SLIT3: variants seen among roughly 807,000 people sequenced by gnomAD.
SLIT3 encodes slit guidance ligand 3, also known as slit homolog 3 protein.
SLIT3 carries 68 observed loss-of-function variants against 184.0 expected under a neutral mutation model. The observed-to-expected ratio is 0.37, with a 90% CI of 0.30 to 0.45. The LOEUF (loss-of-function observed/expected upper bound fraction) is 0.45. SLIT3 is among the 20% of genes least tolerant of loss of function. SLIT3 has a pLI of 1.00. For missense variants in SLIT3, 1,707 were observed against 2,026.0 expected, an observed-to-expected ratio of 0.84 and a Z score of 3.02; for synonymous variants, 831 against 828.6, an observed-to-expected ratio of 1.00 and a Z score of -0.05.
At chr5:169,191,806 A>T (rs1279894329) in intron 4 of SLIT3, among the ~76,000 whole-genome samples, 1 of 152,096 alleles carries the variant, frequency 6.6e-6, no homozygotes, top group Non-Finnish European at 1.5e-5. Flanking sequence ...CCATCACCTG[A>T]TAGCCATGGG....
At position 168,822,249 on chromosome 5, in the gene SLIT3, T is replaced by C. The variant is rs149776381; in HGVS notation, c.629+1011A>G. Among the ~76,000 whole-genome samples, 24 of 152,286 alleles carry C rather than the reference T, an allele frequency of 1.6e-4. No individual in the cohort carries two copies. In the East Asian group the frequency reaches 4.6e-3, roughly 29 times the overall value. ...GTCCAGATTTCTGATCGTGTGATAA[T>C]AATGTAACAATCAATATCATTTATT... On this transcript the variant is annotated intron_variant, in intron 7 of 35. Transcript: ENST00000519560.
At chr5:168,712,480 T>G in intron 23 of SLIT3, 126 bp from the exon 24 acceptor site, 1 of 763,172 alleles carries the variant, frequency 1.3e-6, no homozygotes, top group South Asian at 1.5e-5. Context: ...CTCCTAGCAG[T>G]AGCTGCTGCC....
intron 4 of SLIT3, among the ~76,000 whole-genome samples, chr5:168,973,349 G>C (rs1194233555): frequency 6.6e-6 from 1 of 152,170 alleles, no homozygotes; most frequent in Non-Finnish European, 1.5e-5. Flanking sequence ...CCGGGTTCAA[G>C]CGATTCTCCT....
chr5:168,738,937 CAAA>C (rs34133933), intron 20 of SLIT3, among the ~76,000 whole-genome samples: 2 of 84,290 alleles, frequency 2.4e-5, no homozygotes, highest in African/African-American at 5.0e-5. Context: ...GACTCCATCT[CAAA>C]AAAAAAAAAA....
At chr5:168,793,486 C>A (rs1273465439) in intron 10 of SLIT3, among the ~76,000 whole-genome samples, 2 of 152,112 alleles carry the variant, frequency 1.3e-5, no homozygotes, top group African/African-American at 2.4e-5. Context: ...TCTCTATTGC[C>A]ATCCTCTTGG....
chr5:169,180,158 T>G (rs751404021), intron 4 of SLIT3, among the ~76,000 whole-genome samples: 11 of 152,112 alleles, frequency 7.2e-5, no homozygotes, highest in Non-Finnish European at 1.5e-4. Flanking sequence ...GAGCCAGGAC[T>G]TGAATTTCAG....
At chr5:169,174,533 A>T (rs1343503106) in intron 4 of SLIT3, among the ~76,000 whole-genome samples, 1 of 152,168 alleles carries the variant, frequency 6.6e-6, no homozygotes, top group Admixed American at 6.5e-5. Flanking sequence ...CAAGTTCTTT[A>T]AACTCTTTCC....
In SLIT3 at chr5:169,137,300, CTACA is replaced by C. The variant is rs138154528; in HGVS notation, c.413+56175_413+56178del. On this transcript the variant is annotated intron_variant, in intron 4 of 35. Transcript: ENST00000519560. ...TAATCTCCCCCTCTTCTCTTTCTATCTACATACACACACACACACACACACACAC... is the reference window on the plus strand; with the variant it reads ...TAATCTCCCCCTCTTCTCTTTCTATCTACACACACACACACACACACACAC... Among the ~76,000 whole-genome samples, 30 of 118,496 alleles carry C rather than the reference CTACA, an allele frequency of 2.5e-4. 1 individual carries two copies. The highest frequency in any genetic ancestry group is 5.8e-4 in the Admixed American group (7 of 12,076). The allele number at this position is 118,496 out of a possible 152,430, so 77.7% of individuals were successfully genotyped here.
In SLIT3 at chr5:169,234,613, G is replaced by T. The variant is rs76527409; in HGVS notation, c.341+10092C>A. Among the ~76,000 whole-genome samples the T allele has an allele frequency of 2.0e-5, 3 of 151,996 alleles. No individual in the cohort carries two copies. In the East Asian group the frequency reaches 5.8e-4, roughly 29 times the overall value. On this transcript the variant is annotated intron_variant, in intron 3 of 35. Transcript: ENST00000519560. ...GTAGAGACGAGGTTTCATCGAGGTT[G>T]GCCAGGCTGGTCTGGAACTCTTGAC...
chr5:168,691,508 T>G (rs1761904696), intron 29 of SLIT3, among the ~76,000 whole-genome samples: 1 of 152,226 alleles, frequency 6.6e-6, no homozygotes, highest in African/African-American at 2.4e-5. Flanking sequence ...AGCATGAGCT[T>G]CTGGCCCCAG....
At chr5:169,040,167 A>C (rs1757400659) in intron 4 of SLIT3, among the ~76,000 whole-genome samples, 1 of 152,200 alleles carries the variant, frequency 6.6e-6, no homozygotes, top group Non-Finnish European at 1.5e-5. Context: ...TTTGGGACAG[A>C]GTATATCAAG....
At chr5:169,017,647 C>T (rs376526636) in intron 4 of SLIT3, among the ~76,000 whole-genome samples, 33 of 152,316 alleles carry the variant, frequency 2.2e-4, no homozygotes, top group African/African-American at 7.9e-4. Flanking sequence ...TGGGCTAAAT[C>T]TCCTGCAGCA....
intron 4 of SLIT3, among the ~76,000 whole-genome samples, chr5:169,069,362 G>A (rs1758461631): frequency 6.6e-6 from 1 of 152,214 alleles, no homozygotes; most frequent in East Asian, 1.9e-4. Context: ...CTGCCTTGGA[G>A]GGCCCTAGAA....
intron 4 of SLIT3, among the ~76,000 whole-genome samples, chr5:169,054,710 G>A (rs1256720673): frequency 1.3e-5 from 2 of 152,176 alleles, no homozygotes; most frequent in African/African-American, 2.4e-5. Context: ...TTTACCCCAG[G>A]CATGCGGAAC....
At position 169,032,451 on chromosome 5, in the gene SLIT3, AAT is replaced by A. The variant is rs1757061201; in HGVS notation, c.414-149117_414-149116del. ...AATCACATTTGCTCAGAATTATAAA[AAT>A]AGTCATATTTAGTTCATACCATGTC... is the stretch of plus-strand genomic sequence containing the variant. On this transcript the variant is annotated intron_variant, in intron 4 of 35. Coordinates refer to ENST00000519560, the MANE Select transcript of SLIT3 (RefSeq NM_003062.4). Among the ~76,000 whole-genome samples the A allele has an allele frequency of 2.0e-5, 3 of 152,180 alleles. No homozygotes were observed. In the South Asian group the frequency reaches 6.2e-4, roughly 31 times the overall value.
In SLIT3 at chr5:168,959,298, C is replaced by G. The variant is rs563287950; in HGVS notation, c.414-75962G>C. 2.6e-5 allele frequency among the ~76,000 whole-genome samples: 4 copies of G among 152,304 alleles called. No individual in the cohort carries two copies. The South Asian group carries it at 8.3e-4, about 32-fold the overall frequency. ...CTGTAAGTGAGGGGGTATGCCTGTG[C>G]TATAGAGAACTTAAAGTCTCTTCCA... On this transcript the variant is annotated intron_variant, in intron 4 of 35. Transcript: ENST00000519560.
intron 4 of SLIT3, among the ~76,000 whole-genome samples, chr5:169,142,113 A>AAAT (rs1761769583): frequency 7.2e-6 from 1 of 139,790 alleles, no homozygotes; most frequent in Non-Finnish European, 1.6e-5. Context: ...ATAAATAAAT[A>AAAT]AATAAATAAA....
chr5:168,783,890 C>A (rs1756061234), intron 12 of SLIT3, among the ~76,000 whole-genome samples: 1 of 152,200 alleles, frequency 6.6e-6, no homozygotes, highest in Admixed American at 6.5e-5. Context: ...TTACCCCAAG[C>A]TACTCGATTC....
At position 168,662,493 on chromosome 5, in the gene SLIT3, T is replaced by G. The variant is rs1185295964; in HGVS notation, c.*3961A>C. 1 of 152,210 alleles carries G rather than the reference T, an allele frequency of 6.6e-6. No individual in the cohort carries two copies. Among genetic ancestry groups the G allele is most frequent in the Non-Finnish European group, 1.5e-5 (1 of 68,040 alleles). 9.4% of individuals were successfully genotyped at this position (152,210 alleles called of 1,614,324 possible). On this transcript the variant is annotated 3_prime_UTR_variant, in exon 36 of 36. Coordinates refer to ENST00000519560, the MANE Select transcript of SLIT3 (RefSeq NM_003062.4). Reference sequence around the variant, plus strand: ...CCTCTGAGCTTGGGAGTTATCCCTCTTCTTGCCCTTCTTCTCATCTTTTTG... The same window carrying G: ...CCTCTGAGCTTGGGAGTTATCCCTCGTCTTGCCCTTCTTCTCATCTTTTTG...
Sources: allele counts gnomAD v4.1 joint callset (sites outside exome capture counted in the v4.1 genomes callset), GRCh38; gene constraint gnomAD v4.1.1; transcripts MANE v1.5; gene names NCBI Gene and HGNC (gene_info 2026-07-23, HGNC 2026-07-21).